The following CNTN5 variants were observed in gnomAD, a reference collection of about 807,000 sequenced individuals.
CNTN5 encodes contactin-5.
CNTN5 carries 77 observed loss-of-function variants against 129.1 expected under a neutral mutation model. The ratio of observed to expected loss-of-function variants is 0.60; its 90% confidence interval spans 0.50 to 0.72. CNTN5 has a LOEUF of 0.72. Among genes scored for constraint, CNTN5 ranks in the 30% least tolerant of loss-of-function variants. The pLI, the probability that CNTN5 is intolerant of heterozygous loss-of-function variation, is 0.00. For synonymous variants in CNTN5, 509 were observed against 465.6 expected, an observed-to-expected ratio of 1.09 and a Z score of -1.20; for missense variants, 1,478 against 1,328.8, an observed-to-expected ratio of 1.11 and a Z score of -1.75.
intron 3 of CNTN5, among the ~76,000 whole-genome samples, chr11:99,580,869 G>T (rs1313418762): frequency 7.4e-6 from 1 of 135,202 alleles, no homozygotes; most frequent in African/African-American, 2.8e-5. Flanking sequence ...CTTGCCTTCT[G>T]CTAGCTTTTG....
At chr11:99,696,779 A>G (rs1386220588) in intron 3 of CNTN5, among the ~76,000 whole-genome samples, 1 of 152,024 alleles carries the variant, frequency 6.6e-6, no homozygotes, top group African/African-American at 2.4e-5. Context: ...TTGGTTTGGC[A>G]GTGTCCGAAA....
intron 3 of CNTN5, among the ~76,000 whole-genome samples, chr11:99,801,108 C>G (rs951362881): frequency 2.0e-5 from 3 of 152,154 alleles, no homozygotes; most frequent in Non-Finnish European, 4.4e-5. Flanking sequence ...CCGTAAGAGC[C>G]TCTTACAAGG....
chr11:99,427,003 G>T (rs1226492116), intron 2 of CNTN5, among the ~76,000 whole-genome samples: 3 of 152,138 alleles, frequency 2.0e-5, no homozygotes, highest in Admixed American at 2.0e-4. Flanking sequence ...CAATGGCATA[G>T]AAATTATTTC....
intron 18 of CNTN5, among the ~76,000 whole-genome samples, chr11:100,271,686 G>A (rs900512690): frequency 3.3e-5 from 5 of 152,018 alleles, no homozygotes; most frequent in African/African-American, 4.8e-5. Context: ...ATTACACTTT[G>A]CAAATAGTAA....
At chr11:99,857,202 C>T (rs1173520137) in intron 6 of CNTN5, among the ~76,000 whole-genome samples, 2 of 152,126 alleles carry the variant, frequency 1.3e-5, no homozygotes, top group Admixed American at 6.6e-5. Flanking sequence ...TCCAAGCACA[C>T]CACTGACTTT....
chr11:100,134,353 G>T lies in CNTN5; in HGVS notation c.1581-56773G>T, dbSNP rs543598385. Among the ~76,000 whole-genome samples, 18 of 152,126 alleles carry T rather than the reference G, an allele frequency of 1.2e-4. 1 individual carries two copies. The highest frequency in any genetic ancestry group is 4.3e-4 in the African/African-American group (18 of 41,508). On this transcript the variant is annotated intron_variant, in intron 13 of 24. Transcript: ENST00000524871. ...AGGGTGGTATTCTCGATGAAATTCAGCCTCCACATTTTATTGGCTGTATTT... is the reference window on the plus strand; with the variant it reads ...AGGGTGGTATTCTCGATGAAATTCATCCTCCACATTTTATTGGCTGTATTT...
chr11:99,894,596 A>C (rs1949156569), intron 6 of CNTN5, among the ~76,000 whole-genome samples: 1 of 151,814 alleles, frequency 6.6e-6, no homozygotes, highest in South Asian at 2.1e-4. Flanking sequence ...AAACAAAAAA[A>C]CCATGAATTC....
intron 17 of CNTN5, among the ~76,000 whole-genome samples, chr11:100,260,960 A>G (rs1950182730): frequency 2.0e-5 from 3 of 152,194 alleles, no homozygotes; most frequent in Admixed American, 2.0e-4. Flanking sequence ...ATCAGGCAAG[A>G]GAAAGAAATA....
chr11:99,043,678 C>T (rs1864096216), intron 1 of CNTN5, among the ~76,000 whole-genome samples: 1 of 152,104 alleles, frequency 6.6e-6, no homozygotes, highest in Admixed American at 6.5e-5. Flanking sequence ...TCATAATTTG[C>T]TAATATTAAG....
intron 8 of CNTN5, among the ~76,000 whole-genome samples, chr11:99,960,977 C>G (rs1053331424): frequency 1.3e-5 from 2 of 151,844 alleles, no homozygotes; most frequent in African/African-American, 4.8e-5. Flanking sequence ...CCGTGGCGAG[C>G]GGATCACCTG....
Position 99,470,605 on chromosome 11 carries a change from T to C in CNTN5, c.-70-85540T>C, listed in dbSNP as rs1365472432. On this transcript the variant is annotated intron_variant, in intron 2 of 24. Coordinates refer to ENST00000524871, the MANE Select transcript of CNTN5 (RefSeq NM_014361.4). ...ATTTATTACCTGATATAATATGTATTTGATGATATGTACCTTATTTCCTCA... is the reference window on the plus strand; with the variant it reads ...ATTTATTACCTGATATAATATGTATCTGATGATATGTACCTTATTTCCTCA... Among the ~76,000 whole-genome samples the C allele has an allele frequency of 2.0e-5, 3 of 152,258 alleles. No individual in the cohort carries two copies. In the East Asian group the frequency reaches 5.8e-4, roughly 29 times the overall value.
intron 3 of CNTN5, among the ~76,000 whole-genome samples, chr11:99,680,389 C>A (rs923620799): frequency 3.9e-5 from 6 of 152,090 alleles, no homozygotes; most frequent in Non-Finnish European, 7.4e-5. Flanking sequence ...GCTCATATAC[C>A]ATTCCAAAAT....
intron 1 of CNTN5, among the ~76,000 whole-genome samples, chr11:99,206,455 T>C (rs1296775650): frequency 6.6e-6 from 1 of 152,172 alleles, no homozygotes; most frequent in East Asian, 1.9e-4. Context: ...TGTTTTTCAC[T>C]CTGGTGTTAA....
At chr11:100,130,268 T>TATTC (rs912176677) in intron 13 of CNTN5, among the ~76,000 whole-genome samples, 3 of 152,234 alleles carry the variant, frequency 2.0e-5, no homozygotes, top group South Asian at 2.1e-4. Context: ...TTCCCTCTCT[T>TATTC]ATTCATTCAT....
rs796956154 is a variant in CNTN5 at position 100,150,940 on chromosome 11, A to C, written c.1581-40186A>C. 2.0e-5 allele frequency among the ~76,000 whole-genome samples: 3 copies of C among 152,250 alleles called. No homozygotes were observed. In the South Asian group the frequency reaches 6.2e-4, roughly 32 times the overall value. The stretch of plus-strand genomic sequence containing the variant: ...ACCCCATGAAGGAATTAGTGAGCTT[A>C]TAAGAAGAGGAAGAGAGACCAGAGC... On this transcript the variant is annotated intron_variant, in intron 13 of 24. Coordinates refer to ENST00000524871, the MANE Select transcript of CNTN5 (RefSeq NM_014361.4).
intron 9 of CNTN5, among the ~76,000 whole-genome samples, chr11:100,018,415 C>T (rs1484287479): frequency 1.3e-5 from 2 of 151,950 alleles, no homozygotes; most frequent in African/African-American, 2.4e-5. Context: ...ACAATATCTA[C>T]TCTTTTGACC....
At chr11:99,946,648 C>G (rs1462873490) in intron 7 of CNTN5, among the ~76,000 whole-genome samples, 1 of 152,034 alleles carries the variant, frequency 6.6e-6, no homozygotes, top group Admixed American at 6.6e-5. Flanking sequence ...TCCATGAAAA[C>G]CTTTCATCCA....
intron 1 of CNTN5, among the ~76,000 whole-genome samples, chr11:99,287,649 A>G (rs1241096300): frequency 6.6e-6 from 1 of 152,080 alleles, no homozygotes; most frequent in East Asian, 1.9e-4. Flanking sequence ...TTAGTAGTTG[A>G]CACTCATCAT....
At chr11:99,750,347 T>G (rs1944189482) in intron 3 of CNTN5, among the ~76,000 whole-genome samples, 1 of 152,144 alleles carries the variant, frequency 6.6e-6, no homozygotes, top group South Asian at 2.1e-4. Context: ...TTTCAGTGAT[T>G]ATAGTCTTAT....
Sources: gnomAD v4.1 joint callset for allele counts (sites outside exome capture counted in the v4.1 genomes callset) on GRCh38, gnomAD v4.1.1 for gene constraint, MANE v1.5 for transcripts, NCBI Gene and HGNC (gene_info 2026-07-23, HGNC 2026-07-21) for gene names.